TP53INP1: variants seen among roughly 807,000 people sequenced by gnomAD.
TP53INP1 encodes the protein tumor protein p53-inducible nuclear protein 1.
In TP53INP1, 12 loss-of-function variants were observed where a neutral mutation model predicts 21.0. The observed-to-expected ratio is 0.57, with a 90% confidence interval of 0.37 to 0.93. TP53INP1 has a LOEUF of 0.93. Ranked by LOEUF, TP53INP1 falls within the 40% of genes least tolerant of loss-of-function variation. TP53INP1 has a pLI of 0.01. For synonymous variants in TP53INP1, 91 were observed against 94.8 expected (o/e 0.96, Z 0.23); for missense variants, 274 against 294.7 (o/e 0.93, Z 0.51).
At chr8:94,947,284 TAAA>T (rs11331443) in intron 1 of TP53INP1, among the ~76,000 whole-genome samples, 3 of 143,140 alleles carry the variant, frequency 2.1e-5, no homozygotes, top group Non-Finnish European at 3.0e-5. Context: ...CAAAAAATAT[TAAA>T]AAAAAAAAAA....
Position 94,929,934 on chromosome 8 carries a change from C to G in TP53INP1, c.*545G>C, listed in dbSNP as rs1372812319. On this transcript the variant is annotated 3_prime_UTR_variant, in exon 4 of 4. Transcript: ENST00000342697. The stretch of plus-strand genomic sequence containing the variant: ...GAAAAACCATACACACAGAATACAT[C>G]AAGTTTTCTTTCAAAAGAAAGTCCA... 6.5e-6 allele frequency: 1 copy of G among 153,518 alleles called. No individual in the cohort carries two copies. The highest frequency in any genetic ancestry group is 1.5e-5 in the Non-Finnish European group (1 of 68,902). 9.5% of individuals were successfully genotyped at this position (153,518 alleles called of 1,614,324 possible).
In TP53INP1 at chr8:94,928,508, G is replaced by T. The variant is rs1476879198; in HGVS notation, c.*1971C>A. ...CTCCCAACTCTGGTAAACACAAATA[G>T]TAAGAGAAAACAACTTCTAACTCAC... On this transcript the variant is annotated 3_prime_UTR_variant, in exon 4 of 4. Transcript: ENST00000342697. The T allele has an allele frequency of 6.6e-6, 1 of 152,508 alleles. No homozygotes were observed. The highest frequency in any genetic ancestry group is 1.5e-5 in the Non-Finnish European group (1 of 68,040). 9.4% of individuals were successfully genotyped at this position (152,508 alleles called of 1,614,324 possible).
chr8:94,937,995 G>A (rs558584417), intron 3 of TP53INP1, among the ~76,000 whole-genome samples: 2 of 152,296 alleles, frequency 1.3e-5, no homozygotes, highest in Non-Finnish European at 1.5e-5. Context: ...AGATGGAAAA[G>A]TTTGGGTATA....
chr8:94,934,521 G>T (rs989039458), intron 3 of TP53INP1, among the ~76,000 whole-genome samples: 1 of 151,788 alleles, frequency 6.6e-6, no homozygotes, highest in Non-Finnish European at 1.5e-5. Context: ...TAGTAGCTGG[G>T]AGTACAGGCG....
rs1049442717 is a variant in TP53INP1, at chr8:94,932,212, A to G, written c.474-1484T>C. On this transcript the variant is annotated intron_variant, in intron 3 of 3. Coordinates refer to ENST00000342697, the MANE Select transcript of TP53INP1 (RefSeq NM_033285.4). ...CAACTTTTATTAAAACTGGTTTACTATGTGCCATTAAAGGCACGTACATGT... is the reference window on the plus strand; with the variant it reads ...CAACTTTTATTAAAACTGGTTTACTGTGTGCCATTAAAGGCACGTACATGT... 6 of 1,283,548 alleles carry G rather than the reference A, an allele frequency of 4.7e-6. No homozygotes were observed. In the African/African-American group the frequency reaches 8.9e-5, roughly 19 times the overall value. The allele number at this position is 1,283,548 out of a possible 1,614,324, so 79.5% of individuals were successfully genotyped here. A position where few individuals can be genotyped will look rare whatever the true frequency, so the allele number is the denominator to read the frequency against.
chr8:94,930,617 T>C lies in TP53INP1; in HGVS notation c.585A>G (p.Ile195Met), dbSNP rs1399000235. The C allele has an allele frequency of 1.9e-6, 3 of 1,614,124 alleles. No individual in the cohort carries two copies. In the East Asian group the frequency reaches 6.7e-5, roughly 36 times the overall value. ...GAGGCTGTCTTTCACTGTGTTCTTT[T>C]ATCCACTGGGAAGGGCGAAAGCTCT... Reference protein sequence around the residue: ...QPKSFRPSQWIKEHSERQPLN... With the variant: ...QPKSFRPSQWMKEHSERQPLN... The change falls in exon 4 of 4, where the codon ATA becomes ATG. Residue 195 changes from isoleucine to methionine, a missense_variant. By Grantham distance (10) the Ile-to-Met change is conservative. Transcript: ENST00000342697.
intron 1 of TP53INP1, among the ~76,000 whole-genome samples, chr8:94,946,125 A>G (rs973432016): frequency 2.0e-5 from 3 of 151,506 alleles, no homozygotes; most frequent in Non-Finnish European, 4.4e-5. Context: ...TTTCTTCTAC[A>G]CATAAGGCTT....
Position 94,940,383 on chromosome 8 carries a change from A to C in TP53INP1, c.113-163T>G, listed in dbSNP as rs183735247. 5.5e-4 allele frequency among the ~76,000 whole-genome samples: 83 copies of C among 150,932 alleles called. 1 individual carries two copies. In the East Asian group the frequency reaches 0.014, roughly 26 times the overall value. ...GATGCTCACGTATCTTCTTTTATTT[A>C]GTTCAGAAAACCATTTATATTCATC... On this transcript the variant is annotated intron_variant, in intron 2 of 3. Transcript: ENST00000342697.
intron 3 of TP53INP1, among the ~76,000 whole-genome samples, chr8:94,933,770 A>C (rs1449585997): frequency 4.8e-5 from 6 of 125,912 alleles, no homozygotes; most frequent in African/African-American, 1.1e-4. Flanking sequence ...CTCAAAAAAA[A>C]CCCCCAAAAA....
intron 3 of TP53INP1, among the ~76,000 whole-genome samples, chr8:94,934,322 C>T (rs1820754131): frequency 6.6e-6 from 1 of 152,060 alleles, no homozygotes; most frequent in African/African-American, 2.4e-5. Context: ...ACTACACACA[C>T]ACACAACACT....
chr8:94,946,964 C>T (rs956788759), intron 1 of TP53INP1, among the ~76,000 whole-genome samples: 3 of 152,096 alleles, frequency 2.0e-5, no homozygotes, highest in Non-Finnish European at 2.9e-5. Flanking sequence ...ATTTGAGTTT[C>T]TTTATCCATA....
In TP53INP1 at chr8:94,929,193, T is replaced by G. The variant is rs908613451; in HGVS notation, c.*1286A>C. The G allele has an allele frequency of 6.6e-6, 1 of 152,478 alleles. No individual in the cohort carries two copies. The highest frequency in any genetic ancestry group is 1.5e-5 in the Non-Finnish European group (1 of 68,130). The allele number at this position is 152,478 out of a possible 1,614,324, so 9.4% of individuals were successfully genotyped here. A position where few individuals can be genotyped will look rare whatever the true frequency, so the allele number is the denominator to read the frequency against. ...CCACGGCCCCACCCCATCACCAGAT[T>G]CAGTAGAAAGGCCCTTGGAATTTCC... is the stretch of plus-strand genomic sequence containing the variant. On this transcript the variant is annotated 3_prime_UTR_variant, in exon 4 of 4. Transcript: ENST00000342697.
At position 94,926,015 on chromosome 8, in the gene TP53INP1, A is replaced by G. The variant is rs1229761395; in HGVS notation, c.*4464T>C. ...TATTTACTGACAGATTGAAAACTGT[A>G]ACTCCAGGTAGTGCAAAATGCACCA... On this transcript the variant is annotated 3_prime_UTR_variant, in exon 4 of 4. Transcript: ENST00000342697. The G allele has an allele frequency of 6.6e-6, 1 of 152,666 alleles. No individual in the cohort carries two copies. 9.5% of individuals were successfully genotyped at this position (152,666 alleles called of 1,614,324 possible).
chr8:94,938,131 A>G (rs1383964520), intron 3 of TP53INP1, among the ~76,000 whole-genome samples: 2 of 152,234 alleles, frequency 1.3e-5, no homozygotes, highest in Non-Finnish European at 2.9e-5. Context: ...GGTATACCAG[A>G]TGCCTGAAAG....
chr8:94,926,093 A>T lies in TP53INP1; in HGVS notation c.*4386T>A, dbSNP rs1267068389. On this transcript the variant is annotated 3_prime_UTR_variant, in exon 4 of 4. Transcript: ENST00000342697. ...ACACACAATGTTTAAACAATGCTAC[A>T]CTCATTTTTGGCAAAGTGCTGTATT... 1.3e-5 allele frequency: 2 copies of T among 152,612 alleles called. No homozygotes were observed. The highest frequency in any genetic ancestry group is 1.3e-4 in the Admixed American group (2 of 15,276). 9.5% of individuals were successfully genotyped at this position (152,612 alleles called of 1,614,324 possible).
In TP53INP1 at chr8:94,926,397, G is replaced by C. The variant is rs1260620173; in HGVS notation, c.*4082C>G. ...AGGAAATATGTTCACAATTTTACTT[G>C]AGAAAAAAAAACAAAGCCACTTAAA... On this transcript the variant is annotated 3_prime_UTR_variant, in exon 4 of 4. Coordinates refer to ENST00000342697, the MANE Select transcript of TP53INP1 (RefSeq NM_033285.4). The C allele has an allele frequency of 7.8e-6, 1 of 128,944 alleles. No individual in the cohort carries two copies. The highest frequency in any genetic ancestry group is 2.6e-4 in the South Asian group (1 of 3,872). 8.0% of individuals were successfully genotyped at this position (128,944 alleles called of 1,614,324 possible). A position where few individuals can be genotyped will look rare whatever the true frequency, so the allele number is the denominator to read the frequency against.
intron 3 of TP53INP1, among the ~76,000 whole-genome samples, chr8:94,935,696 T>A (rs765732353): frequency 2.0e-5 from 3 of 152,202 alleles, no homozygotes; most frequent in Non-Finnish European, 2.9e-5. Context: ...TACTGTGGTA[T>A]CAAGATCTAT....
intron 3 of TP53INP1, among the ~76,000 whole-genome samples, chr8:94,935,170 T>TAGATAGATAGATAGAC (rs1368452828): frequency 2.0e-5 from 3 of 151,420 alleles, no homozygotes; most frequent in African/African-American, 7.3e-5. Flanking sequence ...GATAGATAGA[T>TAGATAGATAGATAGAC]AGATATAATA....
chr8:94,930,779 C>G (rs1820319999), intron 3 of TP53INP1, 51 bp from the exon 4 acceptor site: 1 of 1,577,542 alleles, frequency 6.3e-7, no homozygotes, highest in African/African-American at 1.4e-5. Context: ...ATGTTATTAA[C>G]AAAACTGGAA....
Sources: gnomAD v4.1 joint callset for allele counts (sites outside exome capture counted in the v4.1 genomes callset) on GRCh38, gnomAD v4.1.1 for gene constraint, MANE v1.5 for transcripts, NCBI Gene and HGNC (gene_info 2026-07-23, HGNC 2026-07-21) for gene names.